Variants in ANKRD33B observed in about 807,000 individuals in gnomAD.
The protein encoded by ANKRD33B is ankyrin repeat domain-containing protein 33B.
A neutral mutation model predicts 21.5 loss-of-function variants in ANKRD33B; 6 were observed. The ratio of observed to expected loss-of-function variants is 0.28; its 90% CI spans 0.15 to 0.55. The LOEUF (loss-of-function observed/expected upper bound fraction) is 0.55. Among genes scored for constraint, ANKRD33B ranks in the 20% least tolerant of loss-of-function variants. The pLI is 0.94. For synonymous variants in ANKRD33B, 347 were observed against 342.4 expected (o/e 1.01, Z -0.15); for missense variants, 698 against 747.2 (o/e 0.93, Z 0.77).
chr5:10,654,907 A>G lies in ANKRD33B; in HGVS notation c.*4794A>G, dbSNP rs565250018. On this transcript the variant is annotated 3_prime_UTR_variant, in exon 4 of 4. Coordinates refer to ENST00000296657, the MANE Select transcript of ANKRD33B (RefSeq NM_001164440.2). Reference sequence around the variant, plus strand: ...AACAGCACGGAGCCATTCATCTGGAATTACTCGATGTGCAGAGGCTGCCCC... The same window carrying G: ...AACAGCACGGAGCCATTCATCTGGAGTTACTCGATGTGCAGAGGCTGCCCC... 5 of 152,564 alleles carry G rather than the reference A, an allele frequency of 3.3e-5. No individual in the cohort carries two copies. Among genetic ancestry groups the G allele is most frequent in the African/African-American group, 1.2e-4 (5 of 41,574 alleles). The allele number at this position is 152,564 out of a possible 1,614,324, so 9.5% of individuals were successfully genotyped here. A position where few individuals can be genotyped will look rare whatever the true frequency, so the allele number is the denominator to read the frequency against.
At chr5:10,571,342 C>G (rs549972978) in intron 1 of ANKRD33B, among the ~76,000 whole-genome samples, 24 of 152,288 alleles carry the variant, frequency 1.6e-4, no homozygotes, top group South Asian at 1.4e-3. Context: ...GCTGGGACTA[C>G]AGGCATGCGT....
rs548047484 is a variant in ANKRD33B, at chr5:10,571,274, C to T, written c.366+6441C>T. Reference sequence around the variant, plus strand: ...TGGAGTGCAGTGGTGCGATCTCGGCCCACTGCAACCTCCACCTCCCGGGTT... The same window carrying T: ...TGGAGTGCAGTGGTGCGATCTCGGCTCACTGCAACCTCCACCTCCCGGGTT... On this transcript the variant is annotated intron_variant, in intron 1 of 3. Coordinates refer to ENST00000296657, the MANE Select transcript of ANKRD33B (RefSeq NM_001164440.2). Among the ~76,000 whole-genome samples, 51 of 151,954 alleles carry T rather than the reference C, an allele frequency of 3.4e-4. 1 individual carries two copies. The highest frequency in any genetic ancestry group is 1.1e-3 in the African/African-American group (46 of 41,432).
At chr5:10,647,278 G>C (rs1348470399) in intron 3 of ANKRD33B, among the ~76,000 whole-genome samples, 2 of 151,972 alleles carry the variant, frequency 1.3e-5, no homozygotes, top group African/African-American at 4.8e-5. Context: ...CTAATTTTTT[G>C]TGTGTTTTTA....
rs1237262533 is a variant in ANKRD33B, at chr5:10,564,488, C to T, written c.21C>T (p.Thr7=). 4 of 1,500,850 alleles carry T rather than the reference C, an allele frequency of 2.7e-6. No homozygotes were observed. In the East Asian group the frequency reaches 7.6e-5, roughly 28 times the overall value. The allele number at this position is 1,500,850 out of a possible 1,614,324, so 93.0% of individuals were successfully genotyped here. The change falls in exon 1 of 4, where the codon ACC becomes ACT. Residue 7 remains threonine, a synonymous_variant. Coordinates refer to ENST00000296657, the MANE Select transcript of ANKRD33B (RefSeq NM_001164440.2). MVLLAG[T]GPEGGGARCM... is the part of the protein sequence containing the mutation. ...CCGGCATGGTGCTGCTGGCCGGGAC[C>T]GGGCCGGAGGGCGGCGGGGCGCGCT...
chr5:10,564,325 G>C lies in ANKRD33B; in HGVS notation c.-143G>C, dbSNP rs1226451609. 2 of 488,286 alleles carry C rather than the reference G, an allele frequency of 4.1e-6. No individual in the cohort carries two copies. Among genetic ancestry groups the C allele is most frequent in the Admixed American group, 1.2e-4 (2 of 16,294 alleles). 30.2% of individuals were successfully genotyped at this position (488,286 alleles called of 1,614,324 possible). A position where few individuals can be genotyped will look rare whatever the true frequency, so the allele number is the denominator to read the frequency against. ...TTTTTTCTTTGAGCGCAGCCGCCTG[G>C]TGCCGGTTTCCGCCGAGCTGGAGCG... On this transcript the variant is annotated 5_prime_UTR_variant, in exon 1 of 4. Transcript: ENST00000296657.
chr5:10,581,334 C>T (rs890846672), intron 1 of ANKRD33B, among the ~76,000 whole-genome samples: 2 of 152,280 alleles, frequency 1.3e-5, no homozygotes, highest in Admixed American at 1.3e-4. Flanking sequence ...CCCTGCCTTT[C>T]AGCCAGGTGT....
chr5:10,575,470 A>G (rs2126547962), intron 1 of ANKRD33B, among the ~76,000 whole-genome samples: 1 of 151,932 alleles, frequency 6.6e-6, no homozygotes, highest in South Asian at 2.1e-4. Flanking sequence ...GTTGGGCCTT[A>G]CCTTTATGAA....
intron 2 of ANKRD33B, among the ~76,000 whole-genome samples, chr5:10,631,826 T>C (rs960301287): frequency 6.6e-6 from 1 of 152,216 alleles, no homozygotes; most frequent in Admixed American, 6.5e-5. Context: ...AAACCCTCAC[T>C]GCGCGTCCTC....
At chr5:10,639,170 C>T (rs1267182106) in intron 3 of ANKRD33B, among the ~76,000 whole-genome samples, 1 of 45,670 alleles carries the variant, frequency 2.2e-5, no homozygotes, top group Admixed American at 2.1e-4. Flanking sequence ...TAGCGGGTGA[C>T]GCGGCGTTGC....
At chr5:10,573,197 G>A (rs923335058) in intron 1 of ANKRD33B, among the ~76,000 whole-genome samples, 1 of 152,228 alleles carries the variant, frequency 6.6e-6, no homozygotes, top group African/African-American at 2.4e-5. Flanking sequence ...AGCTGGGCGC[G>A]GTGGCTCACA....
At chr5:10,626,961 TTGTC>T (rs937110902) in intron 2 of ANKRD33B, among the ~76,000 whole-genome samples, 22 of 152,298 alleles carry the variant, frequency 1.4e-4, no homozygotes, top group Admixed American at 9.2e-4. Flanking sequence ...ACTGGGTTGG[TTGTC>T]TGAGAGTTGG....
Position 10,654,877 on chromosome 5 carries a change from G to A in ANKRD33B, c.*4764G>A, listed in dbSNP as rs1241823296. 1 of 152,512 alleles carries A rather than the reference G, an allele frequency of 6.6e-6. No individual in the cohort carries two copies. The highest frequency in any genetic ancestry group is 1.5e-5 in the Non-Finnish European group (1 of 68,070). The allele number at this position is 152,512 out of a possible 1,614,324, so 9.4% of individuals were successfully genotyped here. On this transcript the variant is annotated 3_prime_UTR_variant, in exon 4 of 4. Coordinates refer to ENST00000296657, the MANE Select transcript of ANKRD33B (RefSeq NM_001164440.2). ...CAGCACTAAACTCACCAGAAAAGAGGAGGGAACAGCACGGAGCCATTCATC... is the reference window on the plus strand; with the variant it reads ...CAGCACTAAACTCACCAGAAAAGAGAAGGGAACAGCACGGAGCCATTCATC...
At position 10,650,244 on chromosome 5, in the gene ANKRD33B, T is replaced by TTCCAGGCTGTTTG. The variant is rs1439290566; in HGVS notation, c.*141_*153dup. 1.5e-4 allele frequency: 153 copies of TTCCAGGCTGTTTG among 1,029,470 alleles called. No homozygotes were observed. The highest frequency in any genetic ancestry group is 4.1e-5 in the Admixed American group (1 of 24,452). The allele number at this position is 1,029,470 out of a possible 1,614,324, so 63.8% of individuals were successfully genotyped here. ...CCATGGACCACGGGGCTGCGCGCAT[T>TTCCAGGCTGTTTG]TCCAGGCTGTTTGTCCAGGCTGCTT... On this transcript the variant is annotated 3_prime_UTR_variant, in exon 4 of 4. Coordinates refer to ENST00000296657, the MANE Select transcript of ANKRD33B (RefSeq NM_001164440.2).
chr5:10,564,457 C>T lies in ANKRD33B; in HGVS notation c.-11C>T, dbSNP rs1347293207. 26 of 1,153,184 alleles carry T rather than the reference C, an allele frequency of 2.3e-5. No homozygotes were observed. Among genetic ancestry groups the T allele is most frequent in the Non-Finnish European group, 2.6e-5 (24 of 938,230 alleles). The allele number at this position is 1,153,184 out of a possible 1,614,324, so 71.4% of individuals were successfully genotyped here. ...GCGCCCCGGCCCCCGGCCCGCGCCC[C>T]GGCCGCCGGCATGGTGCTGCTGGCC... On this transcript the variant is annotated 5_prime_UTR_variant, in exon 1 of 4. Coordinates refer to ENST00000296657, the MANE Select transcript of ANKRD33B (RefSeq NM_001164440.2).
rs1735293738 is a variant in ANKRD33B, at chr5:10,575,260, T to C, written c.366+10427T>C. Reference sequence around the variant, plus strand: ...CAACATGGTGAAACCCCATCTCTACTGAAAATACAAAAATTAGCTGGGCGT... The same window carrying C: ...CAACATGGTGAAACCCCATCTCTACCGAAAATACAAAAATTAGCTGGGCGT... On this transcript the variant is annotated intron_variant, in intron 1 of 3. Transcript: ENST00000296657. Among the ~76,000 whole-genome samples the C allele has an allele frequency of 2.6e-5, 4 of 151,858 alleles. No homozygotes were observed. In the South Asian group the frequency reaches 8.3e-4, roughly 31 times the overall value.
chr5:10,594,221 CTTTTTTTTTT>C (rs10658307), intron 1 of ANKRD33B, among the ~76,000 whole-genome samples: 3 of 83,160 alleles, frequency 3.6e-5, no homozygotes, highest in Non-Finnish European at 6.5e-5. Context: ...ACACATCCTT[CTTTTTTTTTT>C]TTTTTTTTTT....
chr5:10,634,564 A>G (rs978091342), intron 2 of ANKRD33B, among the ~76,000 whole-genome samples: 1 of 151,352 alleles, frequency 6.6e-6, no homozygotes, highest in East Asian at 1.9e-4. Context: ...GGTTCAAGCA[A>G]TGCTCCTGCC....
At chr5:10,644,506 G>A (rs1737144550) in intron 3 of ANKRD33B, among the ~76,000 whole-genome samples, 2 of 152,170 alleles carry the variant, frequency 1.3e-5, no homozygotes. Flanking sequence ...GCAGCCTTCA[G>A]GAAGCAAAAA....
chr5:10,582,816 G>A (rs914786912), intron 1 of ANKRD33B, among the ~76,000 whole-genome samples: 1 of 152,134 alleles, frequency 6.6e-6, no homozygotes, highest in African/African-American at 2.4e-5. Context: ...GACCCTCATC[G>A]CAGTTCGCAA....
Sources: gnomAD v4.1 joint callset for allele counts (sites outside exome capture counted in the v4.1 genomes callset) on GRCh38, gnomAD v4.1.1 for gene constraint, MANE v1.5 for transcripts, NCBI Gene and HGNC (gene_info 2026-07-23, HGNC 2026-07-21) for gene names.